TLL2: variants seen among roughly 807,000 people sequenced by gnomAD.
TLL2 encodes tolloid like 2.
Under a neutral mutation model 123.0 loss-of-function variants are expected in TLL2, and 106 were observed. The ratio of observed to expected loss-of-function variants is 0.86; its 90% confidence interval spans 0.74 to 1.01. The LOEUF (loss-of-function observed/expected upper bound fraction) is 1.01, where lower values mean the gene tolerates loss of function less well. Ranked by LOEUF, TLL2 falls within the 50% of genes least tolerant of loss-of-function variation. The pLI is 0.00. For missense variants in TLL2, 1,332 were observed against 1,336.7 expected (o/e 1.00, Z 0.06); for synonymous variants, 494 against 516.8 (o/e 0.96, Z 0.60).
chr10:96,467,466 C>G (rs1315851901), intron 2 of TLL2, among the ~76,000 whole-genome samples: 2 of 152,168 alleles, frequency 1.3e-5, no homozygotes, highest in African/African-American at 4.8e-5. Context: ...CTCCTGGCCT[C>G]ACGTGATCCT....
rs185715798 is a variant in TLL2, at chr10:96,502,335, C to T, written c.175+11176G>A. Among the ~76,000 whole-genome samples the T allele has an allele frequency of 1.2e-4, 19 of 152,254 alleles. No homozygotes were observed. In the South Asian group the frequency reaches 2.3e-3, roughly 18 times the overall value. ...GTCTGATCTTGCAAACGTGATCACA[C>T]ATGAGTTTGAGAAAGATCACTCTGC... On this transcript the variant is annotated intron_variant, in intron 1 of 20. Coordinates refer to ENST00000357947, the MANE Select transcript of TLL2 (RefSeq NM_012465.4).
At chr10:96,421,097 C>T (rs751758774) in intron 6 of TLL2, 36 bp from the exon 7 acceptor site, 1 of 1,551,026 alleles carries the variant, frequency 6.4e-7, no homozygotes, top group Non-Finnish European at 8.9e-7. Flanking sequence ...CTTTGAAAAC[C>T]AAGTCAGGCA....
At chr10:96,368,325 C>T in intron 20 of TLL2, 103 bp from the exon 21 acceptor site, 3 of 1,378,552 alleles carry the variant, frequency 2.2e-6, no homozygotes, top group Non-Finnish European at 3.0e-6. Context: ...GGATGTGTCT[C>T]TGGTACCAGA....
intron 1 of TLL2, among the ~76,000 whole-genome samples, chr10:96,509,050 G>C (rs369671952): frequency 6.6e-6 from 1 of 152,170 alleles, no homozygotes; most frequent in Non-Finnish European, 1.5e-5. Context: ...GCCATGCTTC[G>C]AGGACACCCA....
At chr10:96,472,967 C>T (rs1847199282) in intron 2 of TLL2, among the ~76,000 whole-genome samples, 2 of 152,056 alleles carry the variant, frequency 1.3e-5, no homozygotes, top group Admixed American at 1.3e-4. Context: ...TTTGGTTCCC[C>T]TCTTTTCTTT....
chr10:96,495,633 C>T (rs1156858897), intron 1 of TLL2, among the ~76,000 whole-genome samples: 3 of 152,062 alleles, frequency 2.0e-5, no homozygotes, highest in Admixed American at 6.5e-5. Flanking sequence ...AACTTTGAAA[C>T]CATGACCCTA....
At chr10:96,474,543 G>A (rs1415916691) in intron 2 of TLL2, among the ~76,000 whole-genome samples, 1 of 152,174 alleles carries the variant, frequency 6.6e-6, no homozygotes, top group African/African-American at 2.4e-5. Context: ...AGGAAACTGG[G>A]GGCCTGCACA....
intron 1 of TLL2, among the ~76,000 whole-genome samples, chr10:96,506,248 T>G (rs1159142211): frequency 6.5e-5 from 1 of 15,418 alleles, no homozygotes; most frequent in Admixed American, 1.2e-3. Context: ...CGAGACCCCA[T>G]CTCAAAAAAA....
At chr10:96,453,640 G>A (rs571463644) in intron 2 of TLL2, among the ~76,000 whole-genome samples, 29 of 152,172 alleles carry the variant, frequency 1.9e-4, no homozygotes, top group Non-Finnish European at 2.4e-4. Flanking sequence ...AGAACACTAC[G>A]TAACCTTTTA....
At chr10:96,478,244 T>G (rs927949000) in intron 2 of TLL2, among the ~76,000 whole-genome samples, 2 of 152,158 alleles carry the variant, frequency 1.3e-5, no homozygotes, top group Non-Finnish European at 2.9e-5. Flanking sequence ...GCAGGACAGC[T>G]GAGAAAGGCA....
At chr10:96,418,705 A>T (rs1846589478) in intron 7 of TLL2, among the ~76,000 whole-genome samples, 1 of 148,244 alleles carries the variant, frequency 6.7e-6, no homozygotes, top group Non-Finnish European at 1.5e-5. Context: ...ATATATATGA[A>T]TATATATGTA....
Position 96,370,225 on chromosome 10 carries a change from C to T in TLL2, c.2753G>A (p.Arg918His), listed in dbSNP as rs368842312. ...CTCTGCCACGATCACCCAGTCACAG[C>T]GGGCCTCGCTCGGGTAGTTGTTGTC... ...FGDNNYPSEA[R>H]CDWVIVAEDG... Residue 918 changes from arginine to histidine, a missense_variant, in exon 20 of 21, where the codon CGC becomes CAC. Transcript: ENST00000357947. 2.5e-6 allele frequency: 4 copies of T among 1,613,772 alleles called. No individual in the cohort carries two copies. The highest frequency in any genetic ancestry group is 3.4e-6 in the Non-Finnish European group (4 of 1,179,796).
intron 3 of TLL2, 71 bp downstream of exon 3, chr10:96,446,020 T>TA: frequency 6.8e-7 from 1 of 1,465,110 alleles, no homozygotes; most frequent in African/African-American, 1.4e-5. Flanking sequence ...TGGTAAGTCT[T>TA]ATGTCACGTG....
intron 16 of TLL2, among the ~76,000 whole-genome samples, chr10:96,383,708 C>T (rs1846205218): frequency 1.3e-5 from 2 of 152,238 alleles, no homozygotes; most frequent in African/African-American, 2.4e-5. Context: ...GCAACCTCCA[C>T]CTCCTGTGTT....
At chr10:96,382,483 G>A (rs564553999) in intron 16 of TLL2, among the ~76,000 whole-genome samples, 2 of 152,366 alleles carry the variant, frequency 1.3e-5, no homozygotes, top group Admixed American at 1.3e-4. Context: ...TGGGAACACT[G>A]GTAAAAGAAC....
At chr10:96,372,115 G>T (rs1846089987) in intron 19 of TLL2, among the ~76,000 whole-genome samples, 1 of 152,190 alleles carries the variant, frequency 6.6e-6, no homozygotes, top group African/African-American at 2.4e-5. Flanking sequence ...CTGTGTTCCT[G>T]CTGGTCTCTA....
intron 7 of TLL2, 148 bp from the exon 8 acceptor site, chr10:96,413,464 G>T: frequency 2.0e-6 from 2 of 1,003,008 alleles, no homozygotes; most frequent in Non-Finnish European, 1.4e-6. Flanking sequence ...GACTGAAGAG[G>T]TTTCCTTCGC....
At chr10:96,471,001 C>CT (rs899371419) in intron 2 of TLL2, among the ~76,000 whole-genome samples, 20 of 150,982 alleles carry the variant, frequency 1.3e-4, no homozygotes, top group East Asian at 1.9e-4. Flanking sequence ...CTTGGGAAGT[C>CT]TTTTTTTTTG....
rs1245504539 is a variant in TLL2 at position 96,483,684 on chromosome 10, ATG to A, written c.176-3227_176-3226del. On this transcript the variant is annotated intron_variant, in intron 1 of 20. Coordinates refer to ENST00000357947, the MANE Select transcript of TLL2 (RefSeq NM_012465.4). ...GACAGGACTTTGGGGAAAGGTAAGTATGTTGTATATACGGGAGGAGAAGGAAA... is the reference window on the plus strand; with the variant it reads ...GACAGGACTTTGGGGAAAGGTAAGTATTGTATATACGGGAGGAGAAGGAAA... 4.6e-5 allele frequency among the ~76,000 whole-genome samples: 7 copies of A among 152,302 alleles called. No homozygotes were observed. The East Asian group carries it at 1.4e-3, about 29-fold the overall frequency.
Sources: gnomAD v4.1 joint callset for allele counts (sites outside exome capture counted in the v4.1 genomes callset) on GRCh38, gnomAD v4.1.1 for gene constraint, MANE v1.5 for transcripts, NCBI Gene and HGNC (gene_info 2026-07-23, HGNC 2026-07-21) for gene names.